The following CCSER1 variants were observed in gnomAD, a reference collection of about 807,000 sequenced individuals.
The protein encoded by CCSER1 is serine-rich coiled-coil domain-containing protein 1.
CCSER1 carries 41 observed loss-of-function variants against 82.0 expected under a neutral mutation model. The ratio of observed to expected loss-of-function variants is 0.50; its 90% CI spans 0.39 to 0.65. The LOEUF is 0.65. Ranked by LOEUF, CCSER1 falls within the 30% of genes least tolerant of loss-of-function variation. The pLI is 0.00. For missense variants in CCSER1, 1,119 were observed against 1,064.2 expected, an observed-to-expected ratio of 1.05 and a Z score of -0.72; for synonymous variants, 414 against 383.9, an observed-to-expected ratio of 1.08 and a Z score of -0.92.
intron 5 of CCSER1, among the ~76,000 whole-genome samples, chr4:90,559,188 A>G (rs1328640901): frequency 6.6e-6 from 1 of 152,220 alleles, no homozygotes; most frequent in Non-Finnish European, 1.5e-5. Flanking sequence ...AAATCATGAA[A>G]TTAAATTGAG....
At chr4:91,586,912 G>A (rs112637413) in intron 10 of CCSER1, among the ~76,000 whole-genome samples, 94 of 151,768 alleles carry the variant, frequency 6.2e-4, no homozygotes, top group African/African-American at 2.2e-3. Flanking sequence ...ATCACTCATT[G>A]TATTTATATT....
intron 10 of CCSER1, among the ~76,000 whole-genome samples, chr4:91,185,964 A>G (rs1021591560): frequency 6.6e-6 from 1 of 152,218 alleles, no homozygotes; most frequent in East Asian, 1.9e-4. Flanking sequence ...TTTAAAAGCA[A>G]TAGGCTCAAA....
chr4:91,225,989 A>G (rs1389156711), intron 10 of CCSER1, among the ~76,000 whole-genome samples: 2 of 151,946 alleles, frequency 1.3e-5, no homozygotes, highest in Non-Finnish European at 2.9e-5. Context: ...AGACAAAAAC[A>G]TTAGCAGAAT....
intron 3 of CCSER1, among the ~76,000 whole-genome samples, chr4:90,355,730 C>T (rs923465188): frequency 2.0e-5 from 3 of 152,006 alleles, no homozygotes; most frequent in Admixed American, 1.3e-4. Flanking sequence ...ACATTATTGA[C>T]AGAAAAATCA....
At chr4:91,009,033 G>C (rs1015079001) in intron 9 of CCSER1, among the ~76,000 whole-genome samples, 1 of 152,210 alleles carries the variant, frequency 6.6e-6, no homozygotes, top group Non-Finnish European at 1.5e-5. Context: ...CTGATCGGGA[G>C]CGGCAATGGG....
At chr4:91,091,712 G>A (rs1291750490) in intron 10 of CCSER1, among the ~76,000 whole-genome samples, 1 of 152,154 alleles carries the variant, frequency 6.6e-6, no homozygotes, top group East Asian at 1.9e-4. Context: ...TTATGTGGCT[G>A]TGGTGAATCC....
At chr4:90,276,234 C>CT (rs780095709) in intron 1 of CCSER1, among the ~76,000 whole-genome samples, 94 of 109,178 alleles carry the variant, frequency 8.6e-4, no homozygotes, top group Middle Eastern at 4.3e-3. Flanking sequence ...TTCTTTCTTT[C>CT]TTTCTTTCTT....
At chr4:91,179,505 T>C (rs1581720106) in intron 10 of CCSER1, among the ~76,000 whole-genome samples, 1 of 152,218 alleles carries the variant, frequency 6.6e-6, no homozygotes, top group South Asian at 2.1e-4. Context: ...TCATTTCTTT[T>C]TACTGTTTTT....
chr4:90,470,406 G>GT (rs1413195274), intron 5 of CCSER1, among the ~76,000 whole-genome samples: 1 of 152,136 alleles, frequency 6.6e-6, no homozygotes, highest in Non-Finnish European at 1.5e-5. Flanking sequence ...CAAGAACAGA[G>GT]TATAAATGCA....
At chr4:90,752,072 A>G (rs1007421551) in intron 7 of CCSER1, among the ~76,000 whole-genome samples, 2 of 152,116 alleles carry the variant, frequency 1.3e-5, no homozygotes, top group African/African-American at 2.4e-5. Flanking sequence ...GCTTTAATTT[A>G]TTGAGCACTT....
At chr4:91,220,716 G>A (rs1416524384) in intron 10 of CCSER1, among the ~76,000 whole-genome samples, 1 of 151,792 alleles carries the variant, frequency 6.6e-6, no homozygotes, top group African/African-American at 2.4e-5. Context: ...GGGATGTGCT[G>A]AAAATAGATT....
chr4:90,910,985 G>T (rs1726250106), intron 8 of CCSER1, among the ~76,000 whole-genome samples: 1 of 152,118 alleles, frequency 6.6e-6, no homozygotes, highest in Admixed American at 6.5e-5. Flanking sequence ...AATAAAATAT[G>T]TTCTAACCTC....
At chr4:90,492,894 A>T (rs1446058237) in intron 5 of CCSER1, among the ~76,000 whole-genome samples, 3 of 151,982 alleles carry the variant, frequency 2.0e-5, no homozygotes, top group African/African-American at 4.8e-5. Context: ...TAGTTTGTTA[A>T]AGCTTCTATT....
At chr4:91,355,343 C>T in intron 10 of CCSER1, among the ~76,000 whole-genome samples, 1 of 151,918 alleles carries the variant, frequency 6.6e-6, no homozygotes, top group East Asian at 1.9e-4. Context: ...CTAGCTATTA[C>T]CTTACTTGTG....
chr4:90,452,704 A>G (rs1761623478), intron 4 of CCSER1, among the ~76,000 whole-genome samples: 1 of 152,204 alleles, frequency 6.6e-6, no homozygotes, highest in South Asian at 2.1e-4. Flanking sequence ...AATAGGTCAA[A>G]GGCCCTTTTA....
intron 10 of CCSER1, among the ~76,000 whole-genome samples, chr4:91,511,414 A>T (rs979938066): frequency 2.0e-5 from 3 of 152,250 alleles, no homozygotes; most frequent in Middle Eastern, 3.4e-3. Flanking sequence ...TGCTCTGGGT[A>T]GTATGGCCAT....
chr4:90,890,913 A>G (rs146383074), intron 8 of CCSER1, among the ~76,000 whole-genome samples: 1,796 of 152,236 alleles, frequency 0.012, 18 homozygotes, highest in Non-Finnish European at 0.02. Context: ...AATTGTAAAA[A>G]ACTACTCTAC....
At chr4:90,510,900 A>G (rs1178341637) in intron 5 of CCSER1, among the ~76,000 whole-genome samples, 2 of 152,194 alleles carry the variant, frequency 1.3e-5, no homozygotes, top group Non-Finnish European at 2.9e-5. Context: ...GACCACATGG[A>G]CAAGGAAGTT....
At chr4:90,198,287 C>T (rs999202413) in intron 1 of CCSER1, among the ~76,000 whole-genome samples, 3 of 152,006 alleles carry the variant, frequency 2.0e-5, no homozygotes, top group Non-Finnish European at 4.4e-5. Context: ...AAATACTCCC[C>T]CATCCTGAGG....
Sources: allele counts gnomAD v4.1 joint callset (sites outside exome capture counted in the v4.1 genomes callset), GRCh38; gene constraint gnomAD v4.1.1; transcripts MANE v1.5; gene names NCBI Gene and HGNC (gene_info 2026-07-23, HGNC 2026-07-21).